Variants in MYBPC1 observed in about 807,000 individuals in gnomAD.
The protein encoded by MYBPC1 is myosin binding protein C1, also known as myosin-binding protein C, slow-type.
In MYBPC1, 52 loss-of-function variants were observed where a neutral mutation model predicts 147.1. That is an observed-to-expected ratio of 0.35 (90% CI 0.28 to 0.45). The LOEUF is 0.45. Among genes scored for constraint, MYBPC1 ranks in the 20% least tolerant of loss-of-function variants. The pLI is 1.00. For missense variants in MYBPC1, 1,228 were observed against 1,440.3 expected, an observed-to-expected ratio of 0.85 and a Z score of 2.39; for synonymous variants, 477 against 475.9, an observed-to-expected ratio of 1.00 and a Z score of -0.03.
At chr12:101,631,071 T>C in intron 6 of MYBPC1, among the ~76,000 whole-genome samples, 1 of 152,262 alleles carries the variant, frequency 6.6e-6, no homozygotes, top group East Asian at 1.9e-4. Context: ...ACAAACAGAT[T>C]GCAGGTTTAC....
chr12:101,683,208 T>C (rs1273839983), intron 30 of MYBPC1, among the ~76,000 whole-genome samples: 1 of 152,082 alleles, frequency 6.6e-6, no homozygotes, highest in Non-Finnish European at 1.5e-5. Flanking sequence ...GGTAGGTGGA[T>C]CGCTTGATCC....
rs769008600 is a variant in MYBPC1, at chr12:101,626,088, CAA to C, written c.104-761_104-760del. 7.3e-3 allele frequency among the ~76,000 whole-genome samples: 404 copies of C among 55,070 alleles called. 3 individuals carry two copies. Among genetic ancestry groups the C allele is most frequent in the African/African-American group, 0.024 (361 of 15,326 alleles). The allele number at this position is 55,070 out of a possible 152,430, so 36.1% of individuals were successfully genotyped here. On this transcript the variant is annotated intron_variant, in intron 3 of 31. Transcript: ENST00000361466. ...GGGCAAAAAGAGTGAAACTCTGTCT[CAA>C]AAAAAAAAAAAAAAAAAAAAAATTT... is the stretch of plus-strand genomic sequence containing the variant.
At chr12:101,634,797 C>G (rs916418114) in intron 9 of MYBPC1, among the ~76,000 whole-genome samples, 192 bp downstream of exon 9, 1 of 152,140 alleles carries the variant, frequency 6.6e-6, no homozygotes, top group Non-Finnish European at 1.5e-5. Context: ...ATATACTGAC[C>G]ATTTTTTAGA....
At chr12:101,644,931 T>A in intron 12 of MYBPC1, 135 bp downstream of exon 12, 1 of 892,900 alleles carries the variant, frequency 1.1e-6, no homozygotes, top group Non-Finnish European at 1.8e-6. Flanking sequence ...AGTAAACATT[T>A]AAGTCACATT....
At chr12:101,599,250 C>A (rs1878807668) in intron 1 of MYBPC1, among the ~76,000 whole-genome samples, 1 of 152,162 alleles carries the variant, frequency 6.6e-6, no homozygotes, top group Admixed American at 6.5e-5. Flanking sequence ...TTCATCTTAT[C>A]CATCTTGGTC....
At chr12:101,683,083 A>AT (rs900924820) in intron 30 of MYBPC1, among the ~76,000 whole-genome samples, 48 of 152,062 alleles carry the variant, frequency 3.2e-4, no homozygotes, top group Non-Finnish European at 5.4e-4. Context: ...CATTTCAAAC[A>AT]TTTTTTTTGA....
intron 29 of MYBPC1, 101 bp downstream of exon 29, chr12:101,680,630 T>C: frequency 6.9e-7 from 1 of 1,457,224 alleles, no homozygotes; most frequent in South Asian, 1.2e-5. Flanking sequence ...CTTGCCAAAA[T>C]GCTGCAGCGA....
At chr12:101,626,981 G>A (rs1888757225) in intron 4 of MYBPC1, 71 bp downstream of exon 4, 3 of 1,413,958 alleles carry the variant, frequency 2.1e-6, no homozygotes, top group Non-Finnish European at 3.0e-6. Context: ...AAAAGAAAAG[G>A]CAGTGAGCCT....
intron 13 of MYBPC1, 38 bp downstream of exon 13, chr12:101,646,925 G>C: frequency 6.2e-7 from 1 of 1,612,174 alleles, no homozygotes; most frequent in Non-Finnish European, 8.5e-7. Flanking sequence ...ACCAGGAGCT[G>C]TTGGCTTCTT....
intron 1 of MYBPC1, among the ~76,000 whole-genome samples, chr12:101,611,810 G>A (rs756181300): frequency 1.3e-5 from 2 of 152,184 alleles, no homozygotes; most frequent in Non-Finnish European, 2.9e-5. Flanking sequence ...CGGGCACAGT[G>A]GCTCACGCCT....
chr12:101,641,295 G>A (rs368232753), intron 10 of MYBPC1, among the ~76,000 whole-genome samples: 35 of 152,142 alleles, frequency 2.3e-4, no homozygotes, highest in African/African-American at 4.8e-4. Flanking sequence ...GTAAGCAGTC[G>A]TTGTAACATT....
intron 1 of MYBPC1, among the ~76,000 whole-genome samples, chr12:101,597,145 TCTC>T (rs1240337519): frequency 1.3e-5 from 2 of 152,202 alleles, no homozygotes; most frequent in Non-Finnish European, 2.9e-5. Context: ...CCTTTCTTCT[TCTC>T]CTAACTGTGA....
chr12:101,615,497 G>T (rs1397015798), intron 2 of MYBPC1, among the ~76,000 whole-genome samples: 1 of 152,106 alleles, frequency 6.6e-6, no homozygotes, highest in Non-Finnish European at 1.5e-5. Flanking sequence ...TGATAGCTAG[G>T]TGCAAGCATA....
At chr12:101,640,338 C>CT (rs1891787428) in intron 10 of MYBPC1, among the ~76,000 whole-genome samples, 1 of 152,100 alleles carries the variant, frequency 6.6e-6, no homozygotes, top group South Asian at 2.1e-4. Context: ...AATTGTGACT[C>CT]TCCTAGACTT....
Position 101,684,299 on chromosome 12 carries a change from A to C in MYBPC1, c.3493-83A>C, listed in dbSNP as rs9651953. 620 of 1,060,238 alleles carry C rather than the reference A, an allele frequency of 5.8e-4. 1 individual carries two copies. The African/African-American group carries it at 9.0e-3, about 15-fold the overall frequency. The allele number at this position is 1,060,238 out of a possible 1,614,324, so 65.7% of individuals were successfully genotyped here. On this transcript the variant is annotated intron_variant, in intron 30 of 31. Transcript: ENST00000361466. The stretch of plus-strand genomic sequence containing the variant: ...TCTTCATAATCATGACCATAATTTC[A>C]TCCAACAAGTACTCAAGTTTGGTGT...
chr12:101,639,172 C>T (rs1891550379), intron 10 of MYBPC1, among the ~76,000 whole-genome samples: 1 of 152,216 alleles, frequency 6.6e-6, no homozygotes, highest in African/African-American at 2.4e-5. Context: ...TGTATAAATA[C>T]TTGTAAGTTG....
At chr12:101,598,863 TGAG>T (rs1878598125) in intron 1 of MYBPC1, among the ~76,000 whole-genome samples, 1 of 152,210 alleles carries the variant, frequency 6.6e-6, no homozygotes, top group Non-Finnish European at 1.5e-5. Flanking sequence ...ACTACAGGTG[TGAG>T]CCACTGTGCC....
chr12:101,677,684 G>T (rs1231438195), intron 27 of MYBPC1, among the ~76,000 whole-genome samples: 1 of 152,138 alleles, frequency 6.6e-6, no homozygotes, highest in Non-Finnish European at 1.5e-5. Flanking sequence ...TTTTCTTCTA[G>T]AGTTTCTACT....
At chr12:101,606,108 T>C (rs1476404674) in intron 1 of MYBPC1, among the ~76,000 whole-genome samples, 2 of 151,440 alleles carry the variant, frequency 1.3e-5, no homozygotes, top group Non-Finnish European at 2.9e-5. Flanking sequence ...GGGAAGATCA[T>C]CTGAGCCTGG....
Sources: gnomAD v4.1 joint callset for allele counts (sites outside exome capture counted in the v4.1 genomes callset) on GRCh38, gnomAD v4.1.1 for gene constraint, MANE v1.5 for transcripts, NCBI Gene and HGNC (gene_info 2026-07-23, HGNC 2026-07-21) for gene names.